The following COL16A1 variants were observed in gnomAD, a reference collection of about 807,000 sequenced individuals.
COL16A1 encodes the protein collagen alpha-1(XVI) chain.
A neutral mutation model predicts 266.3 loss-of-function variants in COL16A1; 189 were observed. That is an observed-to-expected ratio of 0.71 (90% CI 0.63 to 0.80). COL16A1 has a LOEUF of 0.80. Among genes scored for constraint, COL16A1 ranks in the 30% least tolerant of loss-of-function variants. COL16A1 has a pLI of 0.00. For missense variants in COL16A1, 1,928 were observed against 2,122.4 expected, an observed-to-expected ratio of 0.91 and a Z score of 1.80; for synonymous variants, 740 against 782.3, an observed-to-expected ratio of 0.95 and a Z score of 0.90.
rs1225374669 is a variant in COL16A1, at chr1:31,685,987, C to G, written c.1884+104G>C. 8 of 1,547,510 alleles carry G rather than the reference C, an allele frequency of 5.2e-6. No homozygotes were observed. Among genetic ancestry groups the G allele is most frequent in the Non-Finnish European group, 7.0e-6 (8 of 1,141,132 alleles). ...GCCTTGCTAAGGAGTCAGACTCTGC[C>G]CGACAGACAGCAAGGAGCCCCAGAG... On this transcript the variant is annotated intron_variant, in intron 28 of 70. Transcript: ENST00000373672. The surrounding 1 kb of genome is among the most constrained non-coding windows in gnomAD (Gnocchi z 4.0).
intron 34 of COL16A1, 81 bp from the exon 35 acceptor site, chr1:31,683,450 G>A: frequency 3.1e-6 from 5 of 1,609,326 alleles, no homozygotes; most frequent in African/African-American, 1.3e-5. Flanking sequence ...GGCAGACCTG[G>A]TCTGGGTGGG....
At position 31,685,874 on chromosome 1, in the gene COL16A1, C is replaced by T; in HGVS notation, c.1885-104G>A. ...GAATGTCACTGGGTCTGACACTGCACCTCTGCTGGGTGAGGGGTTATCTTG... is the reference window on the plus strand; with the variant it reads ...GAATGTCACTGGGTCTGACACTGCATCTCTGCTGGGTGAGGGGTTATCTTG... On this transcript the variant is annotated intron_variant, in intron 28 of 70. Coordinates refer to ENST00000373672, the MANE Select transcript of COL16A1 (RefSeq NM_001856.4). The surrounding 1 kb of genome is among the most constrained non-coding windows in gnomAD (Gnocchi z 4.0). The T allele has an allele frequency of 1.3e-6, 2 of 1,551,892 alleles. No individual in the cohort carries two copies. The highest frequency in any genetic ancestry group is 1.8e-6 in the Non-Finnish European group (2 of 1,141,658).
In COL16A1 at chr1:31,691,652, G is replaced by C. The variant is rs1197655638; in HGVS notation, c.1258-10C>G. 14 of 1,612,834 alleles carry C rather than the reference G, an allele frequency of 8.7e-6. No homozygotes were observed. Among genetic ancestry groups the C allele is most frequent in the Non-Finnish European group, 1.2e-5 (14 of 1,179,492 alleles). ...TCTCTCCTGGCCGGCCCTGTGGGGGGATAAGGGGGAGGGTGTACAAACAGC... is the reference window on the plus strand; with the variant it reads ...TCTCTCCTGGCCGGCCCTGTGGGGGCATAAGGGGGAGGGTGTACAAACAGC... On this transcript the variant is annotated splice_polypyrimidine_tract_variant and intron_variant, in intron 17 of 70. Transcript: ENST00000373672.
At chr1:31,682,866 C>T in intron 37 of COL16A1, 68 bp downstream of exon 37, 1 of 1,596,634 alleles carries the variant, frequency 6.3e-7, no homozygotes, top group Non-Finnish European at 8.6e-7. Context: ...CAGCCCTGTG[C>T]CCTCTTCCCA....
At position 31,688,838 on chromosome 1, in the gene COL16A1, G is replaced by A. The variant is rs1361967263; in HGVS notation, c.1767+23C>T. The A allele has an allele frequency of 1.2e-6, 2 of 1,602,926 alleles. No individual in the cohort carries two copies. Among genetic ancestry groups the A allele is most frequent in the Non-Finnish European group, 1.7e-6 (2 of 1,172,992 alleles). ...GGCAAGGATGGCTGAACTGGGCTGG[G>A]CTGGGAGAAAGTCGTCACTCACCGG... On this transcript the variant is annotated intron_variant, in intron 25 of 70. Transcript: ENST00000373672. The surrounding 1 kb of genome is among the most constrained non-coding windows in gnomAD (Gnocchi z 4.9).
chr1:31,656,480 C>T lies in COL16A1; in HGVS notation c.4057-36G>A, dbSNP rs1189635264. The T allele has an allele frequency of 6.2e-7, 1 of 1,607,626 alleles. No homozygotes were observed. The highest frequency in any genetic ancestry group is 1.7e-5 in the Admixed American group (1 of 59,150). ...GCAAAAGTCAGAGGTGAAGTCCGGG[C>T]AGCATCTCTGAGGCTCCCTGGGGAG... On this transcript the variant is annotated intron_variant, in intron 65 of 70. Transcript: ENST00000373672. The surrounding 1 kb of genome is among the most constrained non-coding windows in gnomAD (Gnocchi z 4.2).
chr1:31,691,791 C>T (rs1644282952), intron 17 of COL16A1, 149 bp from the exon 18 acceptor site: 2 of 1,217,022 alleles, frequency 1.6e-6, no homozygotes, highest in South Asian at 1.5e-5. Context: ...CACATGTCAA[C>T]CTTATGGTGT....
intron 22 of COL16A1, 148 bp from the exon 23 acceptor site, chr1:31,689,999 G>A: frequency 1.5e-6 from 1 of 673,064 alleles, no homozygotes; most frequent in South Asian, 1.9e-5. Context: ...TGCCGCTGGG[G>A]CTTCCTGTTC....
chr1:31,684,617 T>C lies in COL16A1; in HGVS notation c.2066A>G (p.Asn689Ser). Residue 689 changes from asparagine to serine, a missense_variant, in exon 31 of 71, where the codon AAT becomes AGT. Around this residue, in one of 2 missense-constraint regions of COL16A1, gnomAD observed 1,552 missense variants for 1,637.2 expected, o/e 0.95. Coordinates refer to ENST00000373672, the MANE Select transcript of COL16A1 (RefSeq NM_001856.4). ...GLKGQKGDAG[N>S]PGDPGTPGTT... is the part of the protein sequence containing the mutation. The stretch of plus-strand genomic sequence containing the variant: ...GCCCGGCGTTCCAGGGTCTCCAGGA[T>C]TCCCAGCATCACCCTGTAAGGAGTG... 6.2e-7 allele frequency: 1 copy of C among 1,613,636 alleles called. No individual in the cohort carries two copies. Among genetic ancestry groups the C allele is most frequent in the Non-Finnish European group, 8.5e-7 (1 of 1,179,904 alleles).
chr1:31,658,112 C>T (rs1051929609), intron 64 of COL16A1, among the ~76,000 whole-genome samples: 3 of 152,214 alleles, frequency 2.0e-5, no homozygotes, highest in African/African-American at 4.8e-5. Context: ...TCCTGGTTTC[C>T]GAGGACCTCA....
intron 42 of COL16A1, among the ~76,000 whole-genome samples, chr1:31,675,686 C>T (rs1050160151): frequency 2.3e-4 from 35 of 151,594 alleles, no homozygotes; most frequent in African/African-American, 8.3e-4. Context: ...TTTGTAGAGA[C>T]GGGGTCTCAC....
chr1:31,701,286 TC>T, intron 2 of COL16A1: 1 of 982,070 alleles, frequency 1.0e-6, no homozygotes, highest in Non-Finnish European at 1.2e-6. Flanking sequence ...ATCTGCCCCA[TC>T]CCCCCCAGGG....
chr1:31,683,918 C>T (rs1411599322), intron 33 of COL16A1, 32 bp downstream of exon 33: 3 of 1,613,856 alleles, frequency 1.9e-6, no homozygotes, highest in Admixed American at 1.7e-5. Flanking sequence ...CCTCACGTAG[C>T]TACGGCCCAG....
chr1:31,685,638 C>A lies in COL16A1; in HGVS notation c.2016+1G>T. Reference sequence around the variant, plus strand: ...AGGCCCCTGCCTATATCCCACCTCACCTGTTTTCCTGGCAAGCCAAAGCCT... The same window carrying A: ...AGGCCCCTGCCTATATCCCACCTCAACTGTTTTCCTGGCAAGCCAAAGCCT... On this transcript the variant is annotated splice_donor_variant, in intron 29 of 70. Transcript: ENST00000373672. LOFTEE classifies it high-confidence loss of function. This position sits in a 1 kb window ranked among gnomAD's most constrained non-coding sequence, Gnocchi z 4.0. 2 of 1,613,782 alleles carry A rather than the reference C, an allele frequency of 1.2e-6. No homozygotes were observed. Among genetic ancestry groups the A allele is most frequent in the Non-Finnish European group, 1.7e-6 (2 of 1,179,882 alleles).
chr1:31,681,981 A>T (rs967937791), intron 37 of COL16A1, among the ~76,000 whole-genome samples: 5 of 151,352 alleles, frequency 3.3e-5, no homozygotes, highest in African/African-American at 1.2e-4. Flanking sequence ...GAATTTCTCC[A>T]GGGATCCGCA....
At position 31,684,229 on chromosome 1, in the gene COL16A1, A is replaced by G; in HGVS notation, c.2163T>C (p.Gly721=). 2.7e-6 allele frequency: 4 copies of G among 1,491,652 alleles called. No individual in the cohort carries two copies. The highest frequency in any genetic ancestry group is 3.6e-6 in the Non-Finnish European group (4 of 1,118,336). The allele number at this position is 1,491,652 out of a possible 1,614,324, so 92.4% of individuals were successfully genotyped here. ...GGCTGGGGCAGGCAGTGCAGCCATC[A>G]CCCTGGTCAGAGATGGGTACAGCCA... ...QGPAGPKGEK[G]DGCTACPSLQ... is the part of the protein sequence containing the mutation. Residue 721 remains glycine (G), a splice_region_variant and synonymous_variant, in exon 32 of 71, where the codon GGT becomes GGC. Coordinates refer to ENST00000373672, the MANE Select transcript of COL16A1 (RefSeq NM_001856.4).
rs1325936833 is a variant in COL16A1 at position 31,688,917 on chromosome 1, AG to A, written c.1710del (p.Ser571ProfsTer27). On this transcript the variant is annotated frameshift_variant, in exon 25 of 71. Transcript: ENST00000373672. LOFTEE classifies it high-confidence loss of function. The surrounding 1 kb of genome is among the most constrained non-coding windows in gnomAD (Gnocchi z 4.9). Reference sequence around the variant, plus strand: ...CCCACATCTCCACTGGCCCCTGTGGAGGACACAAGATGCTGGGCCCCTACAA... The same window carrying A: ...CCCACATCTCCACTGGCCCCTGTGGAGACACAAGATGCTGGGCCCCTACAA... ...SSVVGAQHLV[S>X]STGASGDVGS... is the part of the protein sequence containing the mutation. 6.2e-7 allele frequency: 1 copy of A among 1,614,028 alleles called. No homozygotes were observed.
intron 44 of COL16A1, 38 bp downstream of exon 44, chr1:31,674,969 C>T: frequency 6.2e-7 from 1 of 1,606,756 alleles, no homozygotes; most frequent in Non-Finnish European, 8.5e-7. Context: ...AGGAGACACC[C>T]CCGCCAGCTC....
chr1:31,661,697 G>A lies in COL16A1; in HGVS notation c.3689C>T (p.Pro1230Leu). 5 of 1,599,344 alleles carry A rather than the reference G, an allele frequency of 3.1e-6. No individual in the cohort carries two copies. Among genetic ancestry groups the A allele is most frequent in the Non-Finnish European group, 4.3e-6 (5 of 1,176,140 alleles). The change falls in exon 59 of 71, where the codon CCT becomes CTT. Residue 1230 changes from proline to leucine, a missense_variant. Pro to Leu is a moderately conservative substitution (Grantham distance 98). Coordinates refer to ENST00000373672, the MANE Select transcript of COL16A1 (RefSeq NM_001856.4). ...KDGKPGLRGD[P>L]GPAGPPGLMG... ...GAGTCCAGGGGGGCCAGCAGGACCAGGGTCCCCCTAGGGAAAGAGACGAGG... is the reference window on the plus strand; with the variant it reads ...GAGTCCAGGGGGGCCAGCAGGACCAAGGTCCCCCTAGGGAAAGAGACGAGG...
Sources: gnomAD v4.1 joint callset for allele counts (sites outside exome capture counted in the v4.1 genomes callset) on GRCh38, gnomAD v4.1.1 for gene constraint, gnomAD v4.1.1 regional missense constraint, Gnocchi (gnomAD v3.1) non-coding constraint, MANE v1.5 for transcripts, NCBI Gene and HGNC (gene_info 2026-07-23, HGNC 2026-07-21) for gene names.